The following NR5A1 variants were observed in gnomAD, a reference collection of about 807,000 sequenced individuals.
NR5A1 encodes steroidogenic factor 1.
Under a neutral mutation model 42.7 loss-of-function variants are expected in NR5A1, and 6 were observed. The ratio of observed to expected loss-of-function variants is 0.14; its 90% confidence interval spans 0.08 to 0.28. The LOEUF (loss-of-function observed/expected upper bound fraction) is 0.28. NR5A1 is among the 10% of genes least tolerant of loss of function. The probability of loss-of-function intolerance (pLI) is 1.00; values close to 1 mark genes in which losing one functional copy is unlikely to be tolerated. For missense variants in NR5A1, 442 were observed against 626.4 expected (o/e 0.71, Z 3.14); for synonymous variants, 274 against 277.5 (o/e 0.99, Z 0.12).
At chr9:124,492,993 G>A in intron 5 of NR5A1, 37 bp downstream of exon 5, 7 of 1,545,562 alleles carry the variant, frequency 4.5e-6, no homozygotes, top group Non-Finnish European at 6.1e-6. Context: ...AGCGGGGCCA[G>A]GGCGGGGCCC....
rs781041120 is a variant in NR5A1, at chr9:124,501,645, G to A, written c.245-930C>T. On this transcript the variant is annotated intron_variant, in intron 3 of 6. Coordinates refer to ENST00000373588, the MANE Select transcript of NR5A1 (RefSeq NM_004959.5). This position sits in a 1 kb window ranked among gnomAD's most constrained non-coding sequence, Gnocchi z 4.1. Reference sequence around the variant, plus strand: ...TGGGGTGGGCAGCGCTGTGCTGCTCGCAGGCTGCACGGGAGTTTCTACTGC... The same window carrying A: ...TGGGGTGGGCAGCGCTGTGCTGCTCACAGGCTGCACGGGAGTTTCTACTGC... Among the ~76,000 whole-genome samples the A allele has an allele frequency of 9.2e-5, 14 of 152,298 alleles. No homozygotes were observed. Among genetic ancestry groups the A allele is most frequent in the Non-Finnish European group, 1.5e-4 (10 of 68,012 alleles).
Position 124,482,312 on chromosome 9 carries a change from T to A in NR5A1, c.*446A>T. On this transcript the variant is annotated 3_prime_UTR_variant, in exon 7 of 7. Coordinates refer to ENST00000373588, the MANE Select transcript of NR5A1 (RefSeq NM_004959.5). The stretch of plus-strand genomic sequence containing the variant: ...TCTATGGGGGGAACACTGGAGACCC[T>A]CTCTCCTCCCCTAGTTGATACCTGC... 7 of 270,704 alleles carry A rather than the reference T, an allele frequency of 2.6e-5. No individual in the cohort carries two copies. Among genetic ancestry groups the A allele is most frequent in the Non-Finnish European group, 5.1e-5 (7 of 136,694 alleles). 16.8% of individuals were successfully genotyped at this position (270,704 alleles called of 1,614,324 possible).
chr9:124,494,944 A>G (rs926219993), intron 4 of NR5A1, among the ~76,000 whole-genome samples: 3 of 152,212 alleles, frequency 2.0e-5, no homozygotes, highest in Admixed American at 6.5e-5. Context: ...AGGAGATAGA[A>G]GCACCCCGCT....
In NR5A1 at chr9:124,482,701, CGCCCAGG is replaced by C; in HGVS notation, c.*50_*56del. On this transcript the variant is annotated 3_prime_UTR_variant, in exon 7 of 7. Transcript: ENST00000373588. ...GGAGCCAGCGGTGTGGCTGCGGCCC[CGCCCAGG>C]CCCCGCCCCCAGTCCCGCCCCCAGT... The C allele has an allele frequency of 1.4e-6, 1 of 701,276 alleles. No individual in the cohort carries two copies. The highest frequency in any genetic ancestry group is 1.5e-5 in the South Asian group (1 of 66,044). 43.4% of individuals were successfully genotyped at this position (701,276 alleles called of 1,614,324 possible).
chr9:124,493,241 G>T, intron 4 of NR5A1, 92 bp from the exon 5 acceptor site: 2 of 1,501,426 alleles, frequency 1.3e-6, no homozygotes. Flanking sequence ...ACCCAACTAG[G>T]CGTGCAGCCT....
intron 5 of NR5A1, among the ~76,000 whole-genome samples, chr9:124,491,628 A>T (rs1219526122): frequency 3.9e-5 from 6 of 152,058 alleles, no homozygotes; most frequent in Non-Finnish European, 8.8e-5. Flanking sequence ...ATGGCTTCCC[A>T]GAGCCCCCAT....
At chr9:124,491,032 C>CCCCCCCCCCCGGGGGGGGG in intron 6 of NR5A1, 49 bp downstream of exon 6, 1 of 1,258,250 alleles carries the variant, frequency 7.9e-7, no homozygotes, top group Non-Finnish European at 1.1e-6. Flanking sequence ...CCCTCCCACC[C>CCCCCCCCCCCGGGGGGGGG]ACCCGCCTCT....
chr9:124,497,918 C>T (rs2088876671), intron 4 of NR5A1, among the ~76,000 whole-genome samples: 1 of 152,222 alleles, frequency 6.6e-6, no homozygotes, highest in Admixed American at 6.5e-5. Flanking sequence ...TTGCTCTCCC[C>T]CCAGGGTCCC....
chr9:124,487,714 C>A (rs1832240909), intron 6 of NR5A1, among the ~76,000 whole-genome samples: 1 of 152,224 alleles, frequency 6.6e-6, no homozygotes. Context: ...GGACGCCCTG[C>A]GCGCCAGCTG....
rs1483691434 is a variant in NR5A1, at chr9:124,500,395, G to C, written c.565C>G (p.Pro189Ala). 3 of 1,560,522 alleles carry C rather than the reference G, an allele frequency of 1.9e-6. No individual in the cohort carries two copies. Among genetic ancestry groups the C allele is most frequent in the Non-Finnish European group, 2.6e-6 (3 of 1,153,144 alleles). ...TACTCAGACTTGATGGCACGGCCAG[G>C]AAAGGCAGGGTAGAGGTAGCCAGCC... is the stretch of plus-strand genomic sequence containing the variant. Reference protein sequence around the residue: ...PLAGYLYPAFPGRAIKSEYPE... With the variant: ...PLAGYLYPAFAGRAIKSEYPE... Residue 189 changes from proline to alanine, a missense_variant, in exon 4 of 7, where the codon CCT becomes GCT. Physicochemically the swap from Pro to Ala is conservative, Grantham distance 27. Around this residue, in one of 3 missense-constraint regions of NR5A1, gnomAD observed 208 missense variants for 203.8 expected, o/e 1.02. Transcript: ENST00000373588. This position sits in a 1 kb window ranked among gnomAD's most constrained non-coding sequence, Gnocchi z 6.9.
In NR5A1 at chr9:124,500,069, C is replaced by G; in HGVS notation, c.870+21G>C. 3 of 1,613,022 alleles carry G rather than the reference C, an allele frequency of 1.9e-6. No individual in the cohort carries two copies. The highest frequency in any genetic ancestry group is 2.5e-6 in the Non-Finnish European group (3 of 1,180,022). ...GGGAGGACCATGATGCAGGGCCAGC[C>G]GGGCGGGAGGAGAGACTCACCTCCA... On this transcript the variant is annotated intron_variant, in intron 4 of 6. Coordinates refer to ENST00000373588, the MANE Select transcript of NR5A1 (RefSeq NM_004959.5). The surrounding 1 kb of genome is among the most constrained non-coding windows in gnomAD (Gnocchi z 6.9).
In NR5A1 at chr9:124,500,947, C is replaced by G. The variant is rs1832462684; in HGVS notation, c.245-232G>C. ...CTCTCCTTCCACTCCACCGAACTCA[C>G]CTCCACTCCTCTGTTTGACACATCT... is the stretch of plus-strand genomic sequence containing the variant. On this transcript the variant is annotated intron_variant, in intron 3 of 6. Transcript: ENST00000373588. The surrounding 1 kb of genome is among the most constrained non-coding windows in gnomAD (Gnocchi z 6.9). 5 of 727,698 alleles carry G rather than the reference C, an allele frequency of 6.9e-6. No homozygotes were observed. The highest frequency in any genetic ancestry group is 1.3e-5 in the Non-Finnish European group (5 of 395,214). 45.1% of individuals were successfully genotyped at this position (727,698 alleles called of 1,614,324 possible).
chr9:124,493,166 C>CG lies in NR5A1; in HGVS notation c.871-18dup. 6.2e-7 allele frequency: 1 copy of CG among 1,607,460 alleles called. No individual in the cohort carries two copies. Among genetic ancestry groups the CG allele is most frequent in the Non-Finnish European group, 8.5e-7 (1 of 1,176,814 alleles). ...GTCGGCCACCTGGAAGGAAGAGGCA[C>CG]GCGGGGGGCCGGGCTCCAGCCAGGG... On this transcript the variant is annotated splice_polypyrimidine_tract_variant and intron_variant, in intron 4 of 6. Transcript: ENST00000373588.
Position 124,482,785 on chromosome 9 carries a change from G to A in NR5A1, c.1359C>T (p.Ile453=), listed in dbSNP as rs1832149205. The A allele has an allele frequency of 6.3e-7, 1 of 1,586,512 alleles. No individual in the cohort carries two copies. The highest frequency in any genetic ancestry group is 8.5e-7 in the Non-Finnish European group (1 of 1,170,620). ...GNEMPRNNLL[I]EMLQAKQT ...AAGTCTGCTTGGCTTGCAGCATTTC[G>A]ATGAGCAGGTTGTTGCGGGGCATCT... Residue 453 remains isoleucine (I), a synonymous_variant, in exon 7 of 7, where the codon ATC becomes ATT. Transcript: ENST00000373588.
In NR5A1 at chr9:124,501,702, C is replaced by T. The variant is rs996109047; in HGVS notation, c.245-987G>A. On this transcript the variant is annotated intron_variant, in intron 3 of 6. Coordinates refer to ENST00000373588, the MANE Select transcript of NR5A1 (RefSeq NM_004959.5). This position sits in a 1 kb window ranked among gnomAD's most constrained non-coding sequence, Gnocchi z 4.1. ...CAGCCAGCTATCTGGCCCCTTGGGA[C>T]CTGGCACTAGGGGCATGGGCTCTGG... is the stretch of plus-strand genomic sequence containing the variant. Among the ~76,000 whole-genome samples, 1 of 152,210 alleles carries T rather than the reference C, an allele frequency of 6.6e-6. No homozygotes were observed. The highest frequency in any genetic ancestry group is 2.4e-5 in the African/African-American group (1 of 41,462).
intron 5 of NR5A1, among the ~76,000 whole-genome samples, chr9:124,491,951 G>A (rs190097184): frequency 1.3e-5 from 2 of 151,910 alleles, no homozygotes; most frequent in Non-Finnish European, 2.9e-5. Context: ...GCCAGCCTGC[G>A]GACACCCACA....
chr9:124,484,989 G>A (rs1832186281), intron 6 of NR5A1, among the ~76,000 whole-genome samples: 1 of 152,102 alleles, frequency 6.6e-6, no homozygotes, highest in Non-Finnish European at 1.5e-5. Context: ...TCTTTGGAGT[G>A]AGACAGACGT....
At position 124,501,299 on chromosome 9, in the gene NR5A1, C is replaced by A. The variant is rs559242311; in HGVS notation, c.245-584G>T. On this transcript the variant is annotated intron_variant, in intron 3 of 6. Coordinates refer to ENST00000373588, the MANE Select transcript of NR5A1 (RefSeq NM_004959.5). This position sits in a 1 kb window ranked among gnomAD's most constrained non-coding sequence, Gnocchi z 4.1. Reference sequence around the variant, plus strand: ...GGTCCAGCTGTTTGTTGACTGACTGCCTGACTGTTGAGCTCCTGCTTCAAA... The same window carrying A: ...GGTCCAGCTGTTTGTTGACTGACTGACTGACTGTTGAGCTCCTGCTTCAAA... 7.9e-5 allele frequency among the ~76,000 whole-genome samples: 12 copies of A among 152,214 alleles called. No individual in the cohort carries two copies. Among genetic ancestry groups the A allele is most frequent in the Non-Finnish European group, 1.2e-4 (8 of 68,048 alleles).
At chr9:124,504,068 A>AGAGG (rs1832513403) in intron 1 of NR5A1, among the ~76,000 whole-genome samples, 1 of 149,582 alleles carries the variant, frequency 6.7e-6, no homozygotes, top group African/African-American at 2.5e-5. Flanking sequence ...AGAGAGAGAG[A>AGAGG]GAGAGAAACG....
Sources: allele counts gnomAD v4.1 joint callset (sites outside exome capture counted in the v4.1 genomes callset), GRCh38; gene constraint gnomAD v4.1.1; regional missense constraint gnomAD v4.1.1; non-coding constraint Gnocchi (gnomAD v3.1); transcripts MANE v1.5; gene names NCBI Gene and HGNC (gene_info 2026-07-23, HGNC 2026-07-21).